Variants in OR2L13 observed in about 807,000 individuals in gnomAD.
OR2L13 encodes the protein olfactory receptor 2L13.
Under a neutral mutation model 15.3 loss-of-function variants are expected in OR2L13, and 14 were observed. That is an observed-to-expected ratio of 0.91 (90% confidence interval 0.60 to 1.43). The LOEUF (loss-of-function observed/expected upper bound fraction) is 1.43. OR2L13 is among the 40% of genes most tolerant of loss of function. The pLI, the probability that OR2L13 is intolerant of heterozygous loss-of-function variation, is 0.00. For synonymous variants in OR2L13, 152 were observed against 142.9 expected, an observed-to-expected ratio of 1.06 and a Z score of -0.45; for missense variants, 367 against 387.9, an observed-to-expected ratio of 0.95 and a Z score of 0.45.
At chr1:248,065,149 T>C in the OR2L13 span, among the ~76,000 whole-genome samples, 1 of 152,234 alleles carries the variant, frequency 6.6e-6, no homozygotes, top group Non-Finnish European at 1.5e-5. Context: ...ACAGAGTCCT[T>C]GGCTCACTGT....
chr1:248,073,155 T>C, the OR2L13 span, among the ~76,000 whole-genome samples: 5 of 151,906 alleles, frequency 3.3e-5, no homozygotes, highest in African/African-American at 4.8e-5. Flanking sequence ...TAAATCATGC[T>C]GCTATAAAGA....
the OR2L13 span, among the ~76,000 whole-genome samples, chr1:248,069,568 G>A: frequency 1.3e-5 from 2 of 152,132 alleles, no homozygotes; most frequent in Admixed American, 6.6e-5. Flanking sequence ...CGCATCAACT[G>A]TCGAGCAAAA....
At chr1:248,028,872 C>T in the OR2L13 span, among the ~76,000 whole-genome samples, 2 of 152,178 alleles carry the variant, frequency 1.3e-5, no homozygotes, top group African/African-American at 4.8e-5. Flanking sequence ...CCTCCTCTTT[C>T]AGCACATATA....
the OR2L13 span, among the ~76,000 whole-genome samples, chr1:248,018,071 C>T: frequency 3.3e-5 from 5 of 151,274 alleles, no homozygotes; most frequent in South Asian, 1.0e-3. Flanking sequence ...AGGAGAATGG[C>T]GTGAACCCGG....
chr1:248,031,619 C>G, the OR2L13 span, among the ~76,000 whole-genome samples: 1 of 152,180 alleles, frequency 6.6e-6, no homozygotes, highest in Non-Finnish European at 1.5e-5. Flanking sequence ...CAGAGCTGGG[C>G]TGTAAATTGA....
At chr1:247,956,313 T>C in the OR2L13 span, among the ~76,000 whole-genome samples, 15 of 152,100 alleles carry the variant, frequency 9.9e-5, no homozygotes, top group African/African-American at 3.1e-4. Context: ...ATCTCTGTTT[T>C]GGTACCAGTA....
At chr1:247,949,475 C>T in the OR2L13 span, 24 of 1,608,576 alleles carry the variant, frequency 1.5e-5, no homozygotes, top group East Asian at 4.2e-4. Flanking sequence ...CCATCTTTCT[C>T]GTGTTTCCCT....
At chr1:248,001,387 C>G in the OR2L13 span, among the ~76,000 whole-genome samples, 1 of 151,602 alleles carries the variant, frequency 6.6e-6, no homozygotes, top group Non-Finnish European at 1.5e-5. Flanking sequence ...TCGACTACAA[C>G]TTTTTCTGCT....
At chr1:248,077,463 G>A in the OR2L13 span, among the ~76,000 whole-genome samples, 10 of 152,158 alleles carry the variant, frequency 6.6e-5, no homozygotes, top group Non-Finnish European at 1.2e-4. Flanking sequence ...CTGTGAATCT[G>A]TCTGGTCCTG....
chr1:248,081,384 C>T, the OR2L13 span, among the ~76,000 whole-genome samples: 2 of 151,856 alleles, frequency 1.3e-5, no homozygotes, highest in African/African-American at 4.8e-5. Flanking sequence ...AAGTTCATTC[C>T]GTTTTTGTTG....
At chr1:247,949,127 T>C in the OR2L13 span, 5 of 1,614,044 alleles carry the variant, frequency 3.1e-6, no homozygotes, top group South Asian at 5.5e-5. Context: ...GAAACAAGTC[T>C]ATCTCCTTCA....
the OR2L13 span, among the ~76,000 whole-genome samples, chr1:247,977,386 CAT>C: frequency 2.6e-5 from 4 of 152,086 alleles, no homozygotes; most frequent in African/African-American, 9.7e-5. Flanking sequence ...ATTAATGAAA[CAT>C]ATTTTACTAC....
the OR2L13 span, among the ~76,000 whole-genome samples, chr1:248,071,047 A>C: frequency 4.6e-5 from 7 of 152,160 alleles, no homozygotes; most frequent in Admixed American, 3.3e-4. Flanking sequence ...TACCAGAGGT[A>C]CAAGGAGGAA....
the OR2L13 span, among the ~76,000 whole-genome samples, chr1:248,078,205 G>A: frequency 1.3e-5 from 2 of 152,184 alleles, no homozygotes; most frequent in Non-Finnish European, 2.9e-5. Flanking sequence ...ACAGCTGGCT[G>A]GGCGCGGTGC....
chr1:248,032,368 C>T, the OR2L13 span, among the ~76,000 whole-genome samples: 1 of 151,960 alleles, frequency 6.6e-6, no homozygotes, highest in Non-Finnish European at 1.5e-5. Flanking sequence ...ATAAGATAAA[C>T]TGCACCATTT....
At chr1:247,940,893 C>T in the OR2L13 span, among the ~76,000 whole-genome samples, 262 of 152,234 alleles carry the variant, frequency 1.7e-3, 1 homozygote, top group African/African-American at 6.0e-3. Context: ...CTTTTCTCTG[C>T]AGCTTCATCA....
the OR2L13 span, among the ~76,000 whole-genome samples, chr1:248,002,862 A>AAC: frequency 6.6e-6 from 1 of 152,028 alleles, no homozygotes; most frequent in African/African-American, 2.4e-5. Context: ...CTCAAAAAAA[A>AAC]AAAAAAGAGT....
the OR2L13 span, among the ~76,000 whole-genome samples, chr1:248,015,036 A>G: frequency 3.5e-3 from 539 of 152,244 alleles, 2 homozygotes; most frequent in African/African-American, 0.012. Context: ...CTATGTATCT[A>G]TCTATGAGAG....
the OR2L13 span, among the ~76,000 whole-genome samples, chr1:248,066,412 C>T: frequency 2.6e-5 from 4 of 152,098 alleles, no homozygotes; most frequent in Non-Finnish European, 5.9e-5. Context: ...TTACCTCAAC[C>T]CCACTACTAA....
Sources: gnomAD v4.1 joint callset for allele counts (sites outside exome capture counted in the v4.1 genomes callset) on GRCh38, gnomAD v4.1.1 for gene constraint, MANE v1.5 for transcripts, NCBI Gene and HGNC (gene_info 2026-07-23, HGNC 2026-07-21) for gene names.